The following ZFHX3 variants were observed in gnomAD, a reference collection of about 807,000 sequenced individuals.
ZFHX3 encodes zinc finger homeobox 3.
ZFHX3 carries 42 observed loss-of-function variants against 279.1 expected under a neutral mutation model. The ratio of observed to expected loss-of-function variants is 0.15; its 90% CI spans 0.12 to 0.19. The LOEUF is 0.19. Among genes scored for constraint, ZFHX3 ranks in the 10% least tolerant of loss-of-function variants. The pLI is 1.00. For missense variants in ZFHX3, 4,981 were observed against 4,754.0 expected (o/e 1.05, Z -1.40); for synonymous variants, 2,293 against 1,957.8 (o/e 1.17, Z -4.52).
chr16:73,123,256 G>A (rs1403458450), intron 7 of ZFHX3: 5 of 148,510 alleles, frequency 3.4e-5, no homozygotes, highest in East Asian at 2.0e-4. Context: ...CCACCAAGAC[G>A]TGGAGTCAGT....
chr16:72,918,917 C>G (rs566432785), intron 3 of ZFHX3, among the ~76,000 whole-genome samples: 4 of 151,900 alleles, frequency 2.6e-5, no homozygotes, highest in African/African-American at 4.8e-5. Context: ...AGGATGGTCT[C>G]GATCTCCTGA....
chr16:73,614,873 C>A (rs1277773237), intron 2 of ZFHX3, among the ~76,000 whole-genome samples: 2 of 152,114 alleles, frequency 1.3e-5, no homozygotes, highest in African/African-American at 2.4e-5. Flanking sequence ...GATCCTCCCT[C>A]CTCAGCCTCC....
At chr16:73,457,628 C>T (rs185308028) in intron 2 of ZFHX3, among the ~76,000 whole-genome samples, 5 of 152,112 alleles carry the variant, frequency 3.3e-5, no homozygotes, top group Non-Finnish European at 7.4e-5. Flanking sequence ...CAAAAATTAA[C>T]CTGGCGTAGT....
chr16:73,156,997 C>G (rs1031825392), intron 5 of ZFHX3, among the ~76,000 whole-genome samples: 3 of 152,206 alleles, frequency 2.0e-5, no homozygotes, highest in Non-Finnish European at 4.4e-5. Context: ...CAGGCGTGAG[C>G]CACCGTGCCC....
intron 1 of ZFHX3, among the ~76,000 whole-genome samples, chr16:73,749,936 C>A (rs969055127): frequency 1.3e-5 from 2 of 152,196 alleles, no homozygotes; most frequent in Non-Finnish European, 2.9e-5. Context: ...TCTCCTTGGC[C>A]TCCCAAACCA....
At chr16:73,735,442 G>C (rs922175644) in intron 1 of ZFHX3, among the ~76,000 whole-genome samples, 1 of 145,048 alleles carries the variant, frequency 6.9e-6, no homozygotes, top group African/African-American at 2.5e-5. Flanking sequence ...CTTGGTAACC[G>C]CCATCATACT....
At chr16:72,882,833 G>A (rs2038515948) in intron 4 of ZFHX3, among the ~76,000 whole-genome samples, 2 of 152,140 alleles carry the variant, frequency 1.3e-5, no homozygotes, top group South Asian at 2.1e-4. Context: ...CCTGACTCTG[G>A]CTTCATTATA....
In ZFHX3 at chr16:72,797,903, G is replaced by C. The variant is rs1376696280; in HGVS notation, c.4779C>G (p.Asn1593Lys). The C allele has an allele frequency of 2.5e-6, 4 of 1,614,176 alleles. No homozygotes were observed. The highest frequency in any genetic ancestry group is 1.1e-5 in the South Asian group (1 of 91,074). Residue 1593 changes from asparagine to lysine, a missense_variant, in exon 9 of 10, where the codon AAC (asparagine) becomes AAG (lysine). By Grantham distance (94) the Asn-to-Lys change is moderately conservative. This residue lies in a region of ZFHX3 where 1,751 missense variants were observed against 1,770.0 expected (regional missense o/e 0.99). Transcript: ENST00000268489. ...TACAAGTGTTACACTTAAAAGGTTT[G>C]TTGTCTGGGCTGCTGGTGGGTTCTG... ...GQPEPTSSPD[N>K]KPFKCNTCNV... is the part of the protein sequence containing the mutation.
intron 2 of ZFHX3, among the ~76,000 whole-genome samples, chr16:72,956,004 T>C (rs1417360052): frequency 6.6e-6 from 1 of 152,236 alleles, no homozygotes; most frequent in Non-Finnish European, 1.5e-5. Flanking sequence ...GACCAGTGCT[T>C]GTGCATCCAC....
chr16:73,382,706 T>C (rs2016836552), intron 3 of ZFHX3, among the ~76,000 whole-genome samples: 1 of 152,252 alleles, frequency 6.6e-6, no homozygotes. Context: ...TACCCCGCTA[T>C]GGAATCTAGG....
rs532774379 is a variant in ZFHX3, at chr16:73,182,923, G to T, written c.-1103-39092C>A. Among the ~76,000 whole-genome samples the T allele has an allele frequency of 2.5e-4, 38 of 152,196 alleles. No individual in the cohort carries two copies. In the South Asian group the frequency reaches 7.3e-3, roughly 29 times the overall value. On this transcript the variant is annotated intron_variant, in intron 5 of 17. Transcript: ENST00000641206. Reference sequence around the variant, plus strand: ...GGAGGGGTGAAAAATTACCTCTTGGGGCCGGGCGTGGTGGCTCACGCCTGT... The same window carrying T: ...GGAGGGGTGAAAAATTACCTCTTGGTGCCGGGCGTGGTGGCTCACGCCTGT...
chr16:73,279,904 G>A (rs997416004), intron 4 of ZFHX3, among the ~76,000 whole-genome samples: 3 of 152,134 alleles, frequency 2.0e-5, no homozygotes, highest in Non-Finnish European at 1.5e-5. Context: ...ACGACAGAAA[G>A]GTTTGTGAAA....
chr16:72,904,702 G>A lies in ZFHX3; in HGVS notation c.3217-14740C>T, dbSNP rs150821613. Among the ~76,000 whole-genome samples the A allele has an allele frequency of 1.9e-3, 294 of 152,172 alleles. 1 individual carries two copies. The highest frequency in any genetic ancestry group is 6.8e-3 in the African/African-American group (284 of 41,502). On this transcript the variant is annotated intron_variant, in intron 3 of 9. Transcript: ENST00000268489. Reference sequence around the variant, plus strand: ...TGCTGAAATGCCTCACATCTCCTACGGCAGGCTGGTGGCACCTGCGCCTGG... The same window carrying A: ...TGCTGAAATGCCTCACATCTCCTACAGCAGGCTGGTGGCACCTGCGCCTGG...
At chr16:73,881,959 G>T (rs1241408563) in intron 1 of ZFHX3, among the ~76,000 whole-genome samples, 1 of 152,054 alleles carries the variant, frequency 6.6e-6, no homozygotes, top group African/African-American at 2.4e-5. Context: ...AAACGCTCGT[G>T]GAGTCTGCCG....
intron 1 of ZFHX3, chr16:73,015,000 T>C (rs1964049865): frequency 6.6e-6 from 1 of 151,428 alleles, no homozygotes; most frequent in Non-Finnish European, 1.5e-5. Flanking sequence ...CACCAAAAAT[T>C]AGGACCAAAG....
At chr16:73,702,115 C>CT (rs2053254321) in intron 1 of ZFHX3, among the ~76,000 whole-genome samples, 1 of 152,076 alleles carries the variant, frequency 6.6e-6, no homozygotes, top group South Asian at 2.1e-4. Flanking sequence ...GCAGCAATTT[C>CT]TTTAAGTTCA....
chr16:73,784,114 G>A (rs76607691), intron 1 of ZFHX3, among the ~76,000 whole-genome samples: 3,429 of 151,600 alleles, frequency 0.023, 132 homozygotes, highest in African/African-American at 0.08. Flanking sequence ...TTGGAGAGAT[G>A]GCAGGCAAAA....
chr16:72,880,036 C>G (rs1302324219), intron 4 of ZFHX3, among the ~76,000 whole-genome samples: 1 of 152,184 alleles, frequency 6.6e-6, no homozygotes, highest in African/African-American at 2.4e-5. Context: ...GAGTCCCCTT[C>G]CAGCGAGGTC....
chr16:73,822,473 G>T (rs1397704124), intron 1 of ZFHX3, among the ~76,000 whole-genome samples: 1 of 151,548 alleles, frequency 6.6e-6, no homozygotes, highest in Non-Finnish European at 1.5e-5. Flanking sequence ...TTTTCCACTT[G>T]GTGGCTTTTC....
Sources: gnomAD v4.1 joint callset for allele counts (sites outside exome capture counted in the v4.1 genomes callset) on GRCh38, gnomAD v4.1.1 for gene constraint, gnomAD v4.1.1 regional missense constraint, MANE v1.5 for transcripts, NCBI Gene and HGNC (gene_info 2026-07-23, HGNC 2026-07-21) for gene names.